UBR3: variants seen among roughly 807,000 people sequenced by gnomAD.
UBR3 encodes ubiquitin protein ligase E3 component n-recognin 3.
Under a neutral mutation model 243.2 loss-of-function variants are expected in UBR3, and 85 were observed. That is an observed-to-expected ratio of 0.35 (90% CI 0.29 to 0.42). The LOEUF is 0.42. Among genes scored for constraint, UBR3 ranks in the 10% least tolerant of loss-of-function variants. The probability of loss-of-function intolerance (pLI) is 1.00; values close to 1 mark genes in which losing one functional copy is unlikely to be tolerated. For synonymous variants in UBR3, 748 were observed against 799.8 expected, an observed-to-expected ratio of 0.94 and a Z score of 1.09; for missense variants, 1,686 against 2,300.8, an observed-to-expected ratio of 0.73 and a Z score of 5.47.
intron 32 of UBR3, among the ~76,000 whole-genome samples, chr2:170,043,644 A>ATACT (rs536555675): frequency 6.6e-6 from 1 of 152,228 alleles, no homozygotes; most frequent in Non-Finnish European, 1.5e-5. Context: ...AGTTCAAGAA[A>ATACT]TACTTAATAA....
At chr2:170,008,128 C>G (rs2089978944) in intron 28 of UBR3, among the ~76,000 whole-genome samples, 1 of 152,040 alleles carries the variant, frequency 6.6e-6, no homozygotes, top group African/African-American at 2.4e-5. Flanking sequence ...ATCTTTTATC[C>G]CATCCAGTAG....
chr2:169,836,051 A>G (rs1370788066), intron 1 of UBR3, among the ~76,000 whole-genome samples: 5 of 28,362 alleles, frequency 1.8e-4, no homozygotes, highest in African/African-American at 4.6e-4. Context: ...CTCTATATAT[A>G]TATATATATA....
In UBR3 at chr2:169,927,321, A is replaced by G. The variant is rs1415946070; in HGVS notation, c.2340A>G (p.Gly780=). ...VILLSLRLHL[G]MSDDEILRAE... The stretch of plus-strand genomic sequence containing the variant: ...TAATTCCGTTTTTAATAATTTTAGG[A>G]ATGTCTGATGATGAGATTCTCAGGG... Residue 780 remains glycine, a splice_region_variant and synonymous_variant, in exon 17 of 39, where the codon GGA becomes GGG. Transcript: ENST00000272793. 2.6e-6 allele frequency: 4 copies of G among 1,547,598 alleles called. No individual in the cohort carries two copies. Among genetic ancestry groups the G allele is most frequent in the Non-Finnish European group, 3.5e-6 (4 of 1,145,716 alleles).
chr2:170,049,527 G>A (rs2091168098), intron 32 of UBR3, among the ~76,000 whole-genome samples: 1 of 152,100 alleles, frequency 6.6e-6, no homozygotes, highest in African/African-American at 2.4e-5. Flanking sequence ...GTCTTGGAGT[G>A]TATCTCCTGA....
chr2:169,849,026 G>A (rs183892127), intron 1 of UBR3, among the ~76,000 whole-genome samples: 70 of 152,302 alleles, frequency 4.6e-4, no homozygotes, highest in African/African-American at 1.5e-3. Flanking sequence ...GGGGATAAGG[G>A]AAAAGATACA....
chr2:170,019,540 C>G (rs2090333549), intron 30 of UBR3, among the ~76,000 whole-genome samples: 1 of 151,936 alleles, frequency 6.6e-6, no homozygotes, highest in African/African-American at 2.4e-5. Flanking sequence ...ATAAAATTAG[C>G]TGGGTGTGGT....
intron 30 of UBR3, among the ~76,000 whole-genome samples, chr2:170,023,442 C>T (rs1009686266): frequency 2.0e-5 from 3 of 151,424 alleles, no homozygotes; most frequent in Non-Finnish European, 4.4e-5. Context: ...CGGAGTCTCA[C>T]TCTGTTGCCC....
intron 13 of UBR3, among the ~76,000 whole-genome samples, chr2:169,924,817 G>A (rs965386301): frequency 1.3e-5 from 2 of 152,102 alleles, no homozygotes; most frequent in Admixed American, 1.3e-4. Flanking sequence ...GGCAGATCAC[G>A]AGGTCAAGAA....
intron 33 of UBR3, 122 bp from the exon 34 acceptor site, chr2:170,060,957 G>A: frequency 1.6e-6 from 1 of 643,654 alleles, no homozygotes; most frequent in Non-Finnish European, 2.4e-6. Context: ...TTGAAGAATT[G>A]AAGCTCATAT....
At chr2:169,968,376 A>G (rs932277417) in intron 24 of UBR3, among the ~76,000 whole-genome samples, 5 of 152,194 alleles carry the variant, frequency 3.3e-5, no homozygotes, top group African/African-American at 9.7e-5. Flanking sequence ...AGCGTCTGGT[A>G]ACCATCATTT....
Position 170,082,771 on chromosome 2 carries a change from T to A in UBR3, c.*928T>A, listed in dbSNP as rs2091926850. On this transcript the variant is annotated 3_prime_UTR_variant, in exon 39 of 39. Coordinates refer to ENST00000272793, the MANE Select transcript of UBR3 (RefSeq NM_172070.4). ...ATGAACCATAAATTTTGGAACTTCC[T>A]TTCAGCTCAAGAGGTTCAGCTATAT... 6.6e-6 allele frequency: 1 copy of A among 152,218 alleles called. No homozygotes were observed. The highest frequency in any genetic ancestry group is 1.5e-5 in the Non-Finnish European group (1 of 68,024). 9.4% of individuals were successfully genotyped at this position (152,218 alleles called of 1,614,324 possible).
rs189950912 is a variant in UBR3, at chr2:170,084,008, C to T, written c.*2165C>T. On this transcript the variant is annotated 3_prime_UTR_variant, in exon 39 of 39. Transcript: ENST00000272793. ...TATGAATGATCATTTAAATACAGTA[C>T]ATTACTGTAGAAGCTAAATTGATCT... 2.6e-5 allele frequency: 4 copies of T among 152,512 alleles called. No individual in the cohort carries two copies. Among genetic ancestry groups the T allele is most frequent in the East Asian group, 1.9e-4 (1 of 5,178 alleles). The allele number at this position is 152,512 out of a possible 1,614,324, so 9.4% of individuals were successfully genotyped here. A position where few individuals can be genotyped will look rare whatever the true frequency, so the allele number is the denominator to read the frequency against.
intron 1 of UBR3, among the ~76,000 whole-genome samples, chr2:169,851,857 A>G (rs1253060448): frequency 6.6e-6 from 1 of 151,046 alleles, no homozygotes; most frequent in African/African-American, 2.4e-5. Context: ...AAAAAAAACA[A>G]CAGTTAAGTG....
chr2:169,844,758 A>G (rs190839789), intron 1 of UBR3, among the ~76,000 whole-genome samples: 2 of 152,188 alleles, frequency 1.3e-5, no homozygotes, highest in African/African-American at 4.8e-5. Context: ...GGCCTCTCAA[A>G]GTGCTGGGAT....
rs192450658 is a variant in UBR3 at position 169,830,992 on chromosome 2, T to C, written c.545+2940T>C. 9.9e-3 allele frequency among the ~76,000 whole-genome samples: 1,499 copies of C among 151,430 alleles called. 15 individuals carry two copies. The highest frequency in any genetic ancestry group is 0.035 in the South Asian group (167 of 4,768). The stretch of plus-strand genomic sequence containing the variant: ...TTCTTTGAAGGTATTCATACAGTTT[T>C]AGGGCATCCAGGCTATAGACAGTCA... On this transcript the variant is annotated intron_variant, in intron 1 of 38. Coordinates refer to ENST00000272793, the MANE Select transcript of UBR3 (RefSeq NM_172070.4).
intron 32 of UBR3, among the ~76,000 whole-genome samples, chr2:170,049,807 A>G (rs2091175292): frequency 6.6e-6 from 1 of 152,164 alleles, no homozygotes; most frequent in Admixed American, 6.5e-5. Context: ...AGTTCCTCCA[A>G]GACTAGCAGC....
intron 1 of UBR3, among the ~76,000 whole-genome samples, chr2:169,869,216 G>GTTTTTTTT (rs11344991): frequency 1.1e-4 from 6 of 56,212 alleles, no homozygotes; most frequent in East Asian, 1.1e-3. Context: ...GATTGATAAG[G>GTTTTTTTT]TTTTTTTTTT....
chr2:169,908,283 T>C (rs774797126), intron 10 of UBR3, among the ~76,000 whole-genome samples: 14 of 152,206 alleles, frequency 9.2e-5, no homozygotes, highest in Non-Finnish European at 1.8e-4. Context: ...GTGGGACCTG[T>C]GTAGTGATTC....
At chr2:170,003,105 T>C (rs2089774425) in intron 27 of UBR3, among the ~76,000 whole-genome samples, 1 of 152,224 alleles carries the variant, frequency 6.6e-6, no homozygotes, top group African/African-American at 2.4e-5. Flanking sequence ...TTCTGCCTTC[T>C]AAATCTCACT....
Sources: allele counts gnomAD v4.1 joint callset (sites outside exome capture counted in the v4.1 genomes callset), GRCh38; gene constraint gnomAD v4.1.1; transcripts MANE v1.5; gene names NCBI Gene and HGNC (gene_info 2026-07-23, HGNC 2026-07-21).